The following LTBP3 variants were observed in gnomAD, a reference collection of about 807,000 sequenced individuals.
LTBP3 encodes the protein latent-transforming growth factor beta-binding protein 3.
A neutral mutation model predicts 159.7 loss-of-function variants in LTBP3; 97 were observed. The observed-to-expected ratio is 0.61, with a 90% CI of 0.52 to 0.72. The LOEUF is 0.72. Ranked by LOEUF, LTBP3 falls within the 30% of genes least tolerant of loss-of-function variation. LTBP3 has a pLI of 0.00. For missense variants in LTBP3, 1,584 were observed against 1,864.3 expected (o/e 0.85, Z 2.77); for synonymous variants, 824 against 777.1 (o/e 1.06, Z -1.00).
intron 11 of LTBP3, chr11:65,548,534 T>G: frequency 1.0e-5 from 2 of 196,656 alleles, no homozygotes; most frequent in Admixed American, 5.3e-5. Context: ...CTCCCAAGAC[T>G]AGCAGGAGCT....
chr11:65,557,772 T>C lies in LTBP3; in HGVS notation c.188A>G (p.Lys63Arg). The C allele has an allele frequency of 2.5e-6, 4 of 1,599,410 alleles. No individual in the cohort carries two copies. Among genetic ancestry groups the C allele is most frequent in the Admixed American group, 1.7e-5 (1 of 59,796 alleles). ...GGGALARERF[K>R]VVFAPVICKR... ...GCAGATCACCGGCGCAAAGACCACC[T>C]TGAAGCGCTCGCGGGCCAGCGCCCC... The change falls in exon 1 of 28, where the codon AAG becomes AGG. Residue 63 changes from lysine (K) to arginine (R), a missense_variant. Lys to Arg is a conservative substitution (Grantham distance 26). Coordinates refer to ENST00000301873, the MANE Select transcript of LTBP3 (RefSeq NM_001130144.3).
chr11:65,548,125 C>T, intron 11 of LTBP3, 80 bp from the exon 12 acceptor site: 1 of 1,599,136 alleles, frequency 6.3e-7, no homozygotes, highest in Non-Finnish European at 8.5e-7. Context: ...CTCAACACCC[C>T]AGTCACACCA....
In LTBP3 at chr11:65,546,636, G is replaced by A; in HGVS notation, c.2231-72C>T. On this transcript the variant is annotated intron_variant, in intron 15 of 27. Coordinates refer to ENST00000301873, the MANE Select transcript of LTBP3 (RefSeq NM_001130144.3). The surrounding 1 kb of genome is among the most constrained non-coding windows in gnomAD (Gnocchi z 4.0). Reference sequence around the variant, plus strand: ...GACCGCGCACCTCGCGGGGGTGTGGGTCTCTTCCCTGGAACGCGGGGTTGA... The same window carrying A: ...GACCGCGCACCTCGCGGGGGTGTGGATCTCTTCCCTGGAACGCGGGGTTGA... 6.3e-7 allele frequency: 1 copy of A among 1,591,202 alleles called. No homozygotes were observed.
chr11:65,543,485 A>G lies in LTBP3; in HGVS notation c.2418T>C (p.Ser806=), dbSNP rs1856243811. The change falls in exon 17 of 28, where the codon TCT becomes TCC. Residue 806 remains serine, a synonymous_variant. Transcript: ENST00000301873. ...DNGICSNTPG[S]FQCQCLSGYH... ...AGCCAGAGAGGCACTGACACTGGAA[A>G]GATCCTGGCGTGTTGCTGCAGATGC... 3 of 1,614,126 alleles carry G rather than the reference A, an allele frequency of 1.9e-6. No individual in the cohort carries two copies. Among genetic ancestry groups the G allele is most frequent in the Non-Finnish European group, 2.5e-6 (3 of 1,179,986 alleles).
In LTBP3 at chr11:65,558,005, C is replaced by G; in HGVS notation, c.-46G>C. 1 of 1,100,368 alleles carries G rather than the reference C, an allele frequency of 9.1e-7. No homozygotes were observed. Among genetic ancestry groups the G allele is most frequent in the South Asian group, 4.3e-5 (1 of 23,136 alleles). The allele number at this position is 1,100,368 out of a possible 1,614,324, so 68.2% of individuals were successfully genotyped here. The stretch of plus-strand genomic sequence containing the variant: ...GGAGGGGGGGCGCGCCCGGGCGGGG[C>G]GAGGGGCCCGCGCCCGAAGGGAGTA... On this transcript the variant is annotated 5_prime_UTR_variant, in exon 1 of 28. Transcript: ENST00000301873.
Position 65,548,059 on chromosome 11 carries a change from C to G in LTBP3, c.1721-14G>C. On this transcript the variant is annotated splice_polypyrimidine_tract_variant and intron_variant, in intron 11 of 27. Transcript: ENST00000301873. ...ACTCATCAGTCTCTGCGGGCATGGC[C>G]AGGTCAAGCGGCAGAGCAGGGAGCG... is the stretch of plus-strand genomic sequence containing the variant. 1 of 1,613,760 alleles carries G rather than the reference C, an allele frequency of 6.2e-7. No homozygotes were observed. The highest frequency in any genetic ancestry group is 8.5e-7 in the Non-Finnish European group (1 of 1,179,996).
intron 11 of LTBP3, chr11:65,549,064 G>A (rs922175743): frequency 4.6e-5 from 7 of 152,216 alleles, no homozygotes; most frequent in African/African-American, 1.7e-4. Flanking sequence ...TCTGGAAAAC[G>A]AGGCTAACAA....
At position 65,552,974 on chromosome 11, in the gene LTBP3, CGTT is replaced by C; in HGVS notation, c.1069_1071del (p.Asn357del). On this transcript the variant is annotated inframe_deletion, in exon 6 of 28. Coordinates refer to ENST00000301873, the MANE Select transcript of LTBP3 (RefSeq NM_001130144.3). This position sits in a 1 kb window ranked among gnomAD's most constrained non-coding sequence, Gnocchi z 6.0. ...CGACACACGCCCGGCATTGCGCACTCGTTGATGTCTGTGGTAAGTGGAAGTTTG... is the reference window on the plus strand; with the variant it reads ...CGACACACGCCCGGCATTGCGCACTCGATGTCTGTGGTAAGTGGAAGTTTG... The C allele has an allele frequency of 6.2e-7, 1 of 1,614,174 alleles. No individual in the cohort carries two copies. Among genetic ancestry groups the C allele is most frequent in the Non-Finnish European group, 8.5e-7 (1 of 1,180,022 alleles).
intron 1 of LTBP3, 144 bp downstream of exon 1, chr11:65,557,485 C>A: frequency 8.8e-7 from 1 of 1,135,694 alleles, no homozygotes; most frequent in Non-Finnish European, 1.2e-6. Context: ...CCCAAGTTCC[C>A]TGAGGCCCCT....
intron 24 of LTBP3, 21 bp from the exon 25 acceptor site, chr11:65,539,902 C>G (rs754312507): frequency 2.7e-6 from 4 of 1,505,022 alleles, no homozygotes; most frequent in South Asian, 2.5e-5. Flanking sequence ...CACCTGGCAT[C>G]AGGGGAGGGG....
rs1045991961 is a variant in LTBP3 at position 65,540,040 on chromosome 11, C to A, written c.3358G>T (p.Asp1120Tyr). 7.3e-6 allele frequency: 11 copies of A among 1,515,222 alleles called. No homozygotes were observed. Among genetic ancestry groups the A allele is most frequent in the Non-Finnish European group, 8.8e-6 (10 of 1,137,360 alleles). 93.9% of individuals were successfully genotyped at this position (1,515,222 alleles called of 1,614,324 possible). A position where few individuals can be genotyped will look rare whatever the true frequency, so the allele number is the denominator to read the frequency against. ...GCCGGGCTCTCGGGGAGCTGGCAAT[C>A]GCGGCCGGAGGGCCCGGGCACCCAG... ...PPWVPGPSGR[D>Y]CQLPESPAER... is the part of the protein sequence containing the mutation. The change falls in exon 24 of 28, where the codon GAT becomes TAT. Residue 1120 changes from aspartate (D) to tyrosine (Y), a missense_variant. Asp to Tyr is a radical substitution (Grantham distance 160). Transcript: ENST00000301873.
intron 21 of LTBP3, 105 bp from the exon 22 acceptor site, chr11:65,540,719 G>GAGGGGCGGGGCCTACAGT: frequency 1.3e-6 from 2 of 1,559,234 alleles, no homozygotes; most frequent in Non-Finnish European, 1.8e-6. Flanking sequence ...GGGCCTACAG[G>GAGGGGCGGGGCCTACAGT]AGGGGCGGGG....
chr11:65,540,680 C>A (rs957283349), intron 21 of LTBP3, 66 bp from the exon 22 acceptor site: 11 of 1,421,564 alleles, frequency 7.7e-6, no homozygotes, highest in Non-Finnish European at 9.6e-6. Flanking sequence ...GGGCTGGGCG[C>A]ACCACCGGAG....
Position 65,540,702 on chromosome 11 carries a change from C to G in LTBP3, c.2978-88G>C, listed in dbSNP as rs991877578. 2.6e-6 allele frequency: 3 copies of G among 1,149,650 alleles called. No homozygotes were observed. In the Admixed American group the frequency reaches 6.5e-5, roughly 25 times the overall value. 71.2% of individuals were successfully genotyped at this position (1,149,650 alleles called of 1,614,324 possible). On this transcript the variant is annotated intron_variant, in intron 21 of 27. Transcript: ENST00000301873. ...GCGCACCACCGGAGCGAAGCCATCC[C>G]CGGGCGGGGCCTACAGGAGGGGCGG... is the stretch of plus-strand genomic sequence containing the variant.
chr11:65,551,222 G>C lies in LTBP3; in HGVS notation c.1624C>G (p.Leu542Val). The C allele has an allele frequency of 6.5e-7, 1 of 1,546,392 alleles. No homozygotes were observed. The highest frequency in any genetic ancestry group is 2.4e-5 in the East Asian group (1 of 40,980). Residue 542 changes from leucine to valine, a missense_variant and splice_region_variant, in exon 11 of 28, where the codon CTG becomes GTG. Physicochemically the swap from Leu to Val is conservative, Grantham distance 32 (BLOSUM62 1). Around this residue, in one of 6 missense-constraint regions of LTBP3, gnomAD observed 565 missense variants for 677.7 expected, o/e 0.83. Transcript: ENST00000301873. ...TTTPARPYPE[L>V]ISRPSPPTMR... ...GTCGGGGGCGAGGGACGGGAGATCA[G>C]CTCTGCGGGCGGCAGTGCACTCTGG... is the stretch of plus-strand genomic sequence containing the variant.
In LTBP3 at chr11:65,546,682, G is replaced by A; in HGVS notation, c.2230+116C>T. 5 of 1,542,950 alleles carry A rather than the reference G, an allele frequency of 3.2e-6. No homozygotes were observed. Among genetic ancestry groups the A allele is most frequent in the Non-Finnish European group, 4.4e-6 (5 of 1,148,074 alleles). ...GTTGAGAGGGCAGCCTCTACTCCCG[G>A]AAGGCCCCGCCCCCAGACGCCAATC... On this transcript the variant is annotated intron_variant, in intron 15 of 27. Transcript: ENST00000301873. The surrounding 1 kb of genome is among the most constrained non-coding windows in gnomAD (Gnocchi z 4.0).
chr11:65,545,803 A>C (rs1370009024), intron 16 of LTBP3: 1 of 189,726 alleles, frequency 5.3e-6, no homozygotes, highest in Non-Finnish European at 1.1e-5. Flanking sequence ...CCTCCCAGGC[A>C]GGACTTAGGG....
rs909176963 is a variant in LTBP3, at chr11:65,540,853, G to A, written c.2977+18C>T. The A allele has an allele frequency of 1.2e-6, 2 of 1,604,176 alleles. No individual in the cohort carries two copies. The highest frequency in any genetic ancestry group is 1.7e-6 in the Non-Finnish European group (2 of 1,175,532). ...GGGGTGAGAGGGCGCGGGGCGGGCG[G>A]AGCCGCAGGGCGCTTACCACGGTGG... On this transcript the variant is annotated intron_variant, in intron 21 of 27. Transcript: ENST00000301873.
At chr11:65,541,031 G>A in intron 20 of LTBP3, 77 bp from the exon 21 acceptor site, 1 of 1,580,642 alleles carries the variant, frequency 6.3e-7, no homozygotes, top group Non-Finnish European at 8.6e-7. Flanking sequence ...GCAGCCCGCC[G>A]CCTATTTCCC....
Sources: gnomAD v4.1 joint callset for allele counts on GRCh38, gnomAD v4.1.1 for gene constraint, gnomAD v4.1.1 regional missense constraint, Gnocchi (gnomAD v3.1) non-coding constraint, MANE v1.5 for transcripts, NCBI Gene and HGNC (gene_info 2026-07-23, HGNC 2026-07-21) for gene names.